Variants in HIGD1B observed in about 807,000 individuals in gnomAD.
HIGD1B encodes the protein HIG1 hypoxia inducible domain family member 1B, also known as HIG1 domain family member 1B.
Under a neutral mutation model 8.8 loss-of-function variants are expected in HIGD1B, and 9 were observed. The observed-to-expected ratio is 1.02, with a 90% CI of 0.62 to 1.78. HIGD1B has a LOEUF of 1.78. HIGD1B is among the 40% of genes most tolerant of loss of function. HIGD1B has a pLI of 0.00. For synonymous variants in HIGD1B, 47 were observed against 38.8 expected, an observed-to-expected ratio of 1.21 and a Z score of -0.78; for missense variants, 126 against 111.8, an observed-to-expected ratio of 1.13 and a Z score of -0.57.
At position 44,848,266 on chromosome 17, in the gene HIGD1B, G is replaced by C. The variant is rs775572589; in HGVS notation, c.100+14G>C. 1 of 871,196 alleles carries C rather than the reference G, an allele frequency of 1.1e-6. No individual in the cohort carries two copies. Among genetic ancestry groups the C allele is most frequent in the Non-Finnish European group, 2.0e-6 (1 of 500,364 alleles). The allele number at this position is 871,196 out of a possible 1,614,324, so 54.0% of individuals were successfully genotyped here. On this transcript the variant is annotated intron_variant, in intron 1 of 2. Coordinates refer to ENST00000253410, the MANE Select transcript of HIGD1B (RefSeq NM_016438.4). ...TGGTGCCTATAGGTAAGTGAAGAAA[G>C]GAATGGGGTGCCGAGTAGGAGGCCT...
rs79451908 is a variant in HIGD1B, at chr17:44,848,240, C to T, written c.88C>T (p.Leu30=). 7.3e-3 allele frequency: 6,391 copies of T among 872,836 alleles called. 48 individuals carry two copies. The highest frequency in any genetic ancestry group is 0.011 in the Non-Finnish European group (5,656 of 501,580). The allele number at this position is 872,836 out of a possible 1,614,324, so 54.1% of individuals were successfully genotyped here. ...KLLRKTRESP[L]VPIGLGGCLV... is the part of the protein sequence containing the mutation. ...CCTGAGGAAGACTCGGGAATCTCCA[C>T]TGGTGCCTATAGGTAAGTGAAGAAA... The change falls in exon 1 of 3, where the codon CTG becomes TTG. Residue 30 remains leucine (L), a synonymous_variant. Coordinates refer to ENST00000253410, the MANE Select transcript of HIGD1B (RefSeq NM_016438.4).
chr17:44,850,415 G>C lies in HIGD1B; in HGVS notation c.*19G>C. On this transcript the variant is annotated 3_prime_UTR_variant, in exon 3 of 3. Coordinates refer to ENST00000253410, the MANE Select transcript of HIGD1B (RefSeq NM_016438.4). ...GAAGTAGGACTCCTATAGGAGCCGG[G>C]GCTGTCCAACTCCCCTAACTCAATC... 1 of 1,597,368 alleles carries C rather than the reference G, an allele frequency of 6.3e-7. No individual in the cohort carries two copies. The highest frequency in any genetic ancestry group is 8.6e-7 in the Non-Finnish European group (1 of 1,166,858).
rs767068823 is a variant in HIGD1B at position 44,849,389 on chromosome 17, G to A, written c.235+1G>A. On this transcript the variant is annotated splice_donor_variant, in intron 2 of 2. Coordinates refer to ENST00000253410, the MANE Select transcript of HIGD1B (RefSeq NM_016438.4). LOFTEE classifies it high-confidence loss of function. ...TGTGCAGTGGGTGCAATCATGCTAGGTGAGTAGCTTTGTGGGGTCGCAGAA... is the reference window on the plus strand; with the variant it reads ...TGTGCAGTGGGTGCAATCATGCTAGATGAGTAGCTTTGTGGGGTCGCAGAA... 1.2e-6 allele frequency: 2 copies of A among 1,613,882 alleles called. No individual in the cohort carries two copies. Among genetic ancestry groups the A allele is most frequent in the Non-Finnish European group, 1.7e-6 (2 of 1,179,944 alleles).
chr17:44,849,061 C>G (rs1231440419), intron 1 of HIGD1B, 193 bp from the exon 2 acceptor site: 1 of 565,010 alleles, frequency 1.8e-6, no homozygotes, highest in Non-Finnish European at 3.0e-6. Flanking sequence ...CAGGCGTGAG[C>G]CACCATGCCC....
intron 1 of HIGD1B, 127 bp from the exon 2 acceptor site, chr17:44,849,127 C>T: frequency 8.6e-7 from 1 of 1,167,104 alleles, no homozygotes; most frequent in Non-Finnish European, 1.2e-6. Flanking sequence ...CGCCCACCCC[C>T]CGCCACCAGA....
intron 1 of HIGD1B, among the ~76,000 whole-genome samples, chr17:44,848,594 C>T (rs2050358074): frequency 6.6e-6 from 1 of 151,924 alleles, no homozygotes; most frequent in Admixed American, 6.6e-5. Context: ...TGGGAGCCAG[C>T]AGTGTGGCTC....
intron 1 of HIGD1B, among the ~76,000 whole-genome samples, chr17:44,848,786 T>C (rs1360016736): frequency 1.3e-5 from 2 of 151,900 alleles, no homozygotes; most frequent in Non-Finnish European, 2.9e-5. Flanking sequence ...TATATATATA[T>C]ATATTTTTGA....
Position 44,850,456 on chromosome 17 carries a change from A to G in HIGD1B, c.*60A>G, listed in dbSNP as rs2050427158. On this transcript the variant is annotated 3_prime_UTR_variant, in exon 3 of 3. Coordinates refer to ENST00000253410, the MANE Select transcript of HIGD1B (RefSeq NM_016438.4). ...TAACTCAATCCCTGGTACATTCCTA[A>G]TAAAGCAGTTTTGAGGAAAATCAAC... is the stretch of plus-strand genomic sequence containing the variant. 11 of 1,301,036 alleles carry G rather than the reference A, an allele frequency of 8.5e-6. No individual in the cohort carries two copies. Among genetic ancestry groups the G allele is most frequent in the African/African-American group, 1.4e-5 (1 of 69,140 alleles). 80.6% of individuals were successfully genotyped at this position (1,301,036 alleles called of 1,614,324 possible). A position where few individuals can be genotyped will look rare whatever the true frequency, so the allele number is the denominator to read the frequency against.
chr17:44,846,651 G>A (rs1392596690), upstream of HIGD1B, among the ~76,000 whole-genome samples: 1 of 151,940 alleles, frequency 6.6e-6, no homozygotes, highest in Non-Finnish European at 1.5e-5. Context: ...AAAATTAGCT[G>A]AGCGTGGTAG....
chr17:44,848,189 G>T lies in HIGD1B; in HGVS notation c.37G>T (p.Asp13Tyr), dbSNP rs146805764. 1.7e-5 allele frequency: 15 copies of T among 872,924 alleles called. No homozygotes were observed. In the African/African-American group the frequency reaches 2.1e-4, roughly 12 times the overall value. The allele number at this position is 872,924 out of a possible 1,614,324, so 54.1% of individuals were successfully genotyped here. ...CAGACGCTGGTGGGTACCACCTGAC[G>T]ACGAAGACTGTGTGTCTGAGAAGCT... ...ANRRWWVPPD[D>Y]EDCVSEKLLR... Residue 13 changes from aspartate to tyrosine, a missense_variant, in exon 1 of 3, where the codon GAC becomes TAC. Asp to Tyr is a radical substitution (Grantham distance 160, BLOSUM62 -3). Coordinates refer to ENST00000253410, the MANE Select transcript of HIGD1B (RefSeq NM_016438.4).
chr17:44,849,979 C>T (rs1223312365), intron 2 of HIGD1B: 1 of 221,188 alleles, frequency 4.5e-6, no homozygotes, highest in South Asian at 9.8e-5. Flanking sequence ...GATTAAAAAG[C>T]AGACAGCCAC....
chr17:44,849,347 G>A lies in HIGD1B; in HGVS notation c.194G>A (p.Arg65Gln), dbSNP rs142682593. Reference protein sequence around the residue: ...TKMSIHLIHTRVAAQACAVGA... With the variant: ...TKMSIHLIHTQVAAQACAVGA... ...ATGTCCATACACCTGATTCACACCC[G>A]AGTGGCAGCGCAGGCCTGTGCAGTG... The change falls in exon 2 of 3, where the codon CGA (arginine) becomes CAA (glutamine). Residue 65 changes from arginine (R) to glutamine (Q), a missense_variant. Arg to Gln is a conservative substitution (Grantham distance 43). Coordinates refer to ENST00000253410, the MANE Select transcript of HIGD1B (RefSeq NM_016438.4). 1.5e-5 allele frequency: 25 copies of A among 1,614,024 alleles called. No homozygotes were observed. The highest frequency in any genetic ancestry group is 1.8e-5 in the Non-Finnish European group (21 of 1,180,030).
chr17:44,848,289 C>T lies in HIGD1B; in HGVS notation c.100+37C>T, dbSNP rs754657098. The T allele has an allele frequency of 1.7e-5, 15 of 858,746 alleles. No individual in the cohort carries two copies. The East Asian group carries it at 3.6e-4, about 21-fold the overall frequency. 53.2% of individuals were successfully genotyped at this position (858,746 alleles called of 1,614,324 possible). A position where few individuals can be genotyped will look rare whatever the true frequency, so the allele number is the denominator to read the frequency against. The stretch of plus-strand genomic sequence containing the variant: ...AAGGAATGGGGTGCCGAGTAGGAGG[C>T]CTTCTCTGTCATGTCTCCTGGTACC... On this transcript the variant is annotated intron_variant, in intron 1 of 2. Coordinates refer to ENST00000253410, the MANE Select transcript of HIGD1B (RefSeq NM_016438.4).
intron 1 of HIGD1B, 67 bp from the exon 2 acceptor site, chr17:44,849,187 G>A: frequency 6.4e-7 from 1 of 1,572,678 alleles, no homozygotes; most frequent in South Asian, 1.1e-5. Flanking sequence ...GCCTGGTAAG[G>A]TATCTCTCAT....
intron 1 of HIGD1B, 92 bp downstream of exon 1, chr17:44,848,344 A>T (rs2050349565): frequency 1.4e-6 from 1 of 740,728 alleles, no homozygotes; most frequent in South Asian, 1.6e-5. Context: ...GAGGTCAGAA[A>T]ACTCAAGTGG....
At chr17:44,845,254 G>A (rs1485735704), upstream of HIGD1B, among the ~76,000 whole-genome samples, 7 of 98,906 alleles carry the variant, frequency 7.1e-5, no homozygotes, top group Non-Finnish European at 1.2e-4. Context: ...GTGAAACTCC[G>A]TCTCAAAAAA....
At position 44,848,185 on chromosome 17, in the gene HIGD1B, T is replaced by G. The variant is rs1210330099; in HGVS notation, c.33T>G (p.Pro11=). The G allele has an allele frequency of 1.1e-6, 1 of 872,822 alleles. No individual in the cohort carries two copies. Among genetic ancestry groups the G allele is most frequent in the African/African-American group, 1.6e-5 (1 of 61,340 alleles). The allele number at this position is 872,822 out of a possible 1,614,324, so 54.1% of individuals were successfully genotyped here. The change falls in exon 1 of 3, where the codon CCT becomes CCG. Residue 11 remains proline, a synonymous_variant. Transcript: ENST00000253410. MSANRRWWVP[P]DDEDCVSEKL... Reference sequence around the variant, plus strand: ...CTAACAGACGCTGGTGGGTACCACCTGACGACGAAGACTGTGTGTCTGAGA... The same window carrying G: ...CTAACAGACGCTGGTGGGTACCACCGGACGACGAAGACTGTGTGTCTGAGA...
chr17:44,849,691 C>T (rs1345283856), intron 2 of HIGD1B, among the ~76,000 whole-genome samples: 3 of 133,730 alleles, frequency 2.2e-5, no homozygotes, highest in Non-Finnish European at 4.6e-5. Flanking sequence ...ACCTGGGAGG[C>T]GGAGGCTACA....
intron 1 of HIGD1B, 181 bp from the exon 2 acceptor site, chr17:44,849,073 G>C (rs555091041): frequency 2.5e-5 from 15 of 607,118 alleles, no homozygotes. Context: ...ACCATGCCCC[G>C]GCAACAACTC....
Sources: allele counts gnomAD v4.1 joint callset (sites outside exome capture counted in the v4.1 genomes callset), GRCh38; gene constraint gnomAD v4.1.1; transcripts MANE v1.5; gene names NCBI Gene and HGNC (gene_info 2026-07-23, HGNC 2026-07-21).